PLXNA2: variants seen among roughly 807,000 people sequenced by gnomAD.
PLXNA2 encodes plexin-A2.
PLXNA2 carries 91 observed loss-of-function variants against 193.5 expected under a neutral mutation model. The ratio of observed to expected loss-of-function variants is 0.47; its 90% CI spans 0.40 to 0.56. The LOEUF (loss-of-function observed/expected upper bound fraction) is 0.56. Ranked by LOEUF, PLXNA2 falls within the 20% of genes least tolerant of loss-of-function variation. PLXNA2 has a pLI of 0.00. For synonymous variants in PLXNA2, 997 were observed against 1,027.3 expected (o/e 0.97, Z 0.56); for missense variants, 1,995 against 2,503.2 (o/e 0.80, Z 4.33).
At chr1:208,200,424 A>G (rs1670507133) in intron 3 of PLXNA2, among the ~76,000 whole-genome samples, 3 of 152,124 alleles carry the variant, frequency 2.0e-5, no homozygotes, top group Non-Finnish European at 4.4e-5. Flanking sequence ...TGACTTAGGT[A>G]TATGCTGGGC....
chr1:208,105,200 A>T (rs1031009589), intron 4 of PLXNA2, among the ~76,000 whole-genome samples: 2 of 152,108 alleles, frequency 1.3e-5, no homozygotes, highest in Admixed American at 1.3e-4. Context: ...TGAACCTGGG[A>T]TGTTTATTTA....
chr1:208,217,863 C>A lies in PLXNA2; in HGVS notation c.60G>T (p.Leu20=), dbSNP rs371657510. ...CCAGCAGCACCCAGACCACTGAGAG[C>A]AGGACCACAGAGCGGCTGTCCACCT... ...ALEVDSRSVV[L]LSVVWVLLAP... is the part of the protein sequence containing the mutation. The change falls in exon 2 of 32, where the codon CTG becomes CTT. Residue 20 remains leucine, a synonymous_variant. Coordinates refer to ENST00000367033, the MANE Select transcript of PLXNA2 (RefSeq NM_025179.4). This position sits in a 1 kb window ranked among gnomAD's most constrained non-coding sequence, Gnocchi z 4.7. The A allele has an allele frequency of 4.3e-5, 70 of 1,613,450 alleles. No homozygotes were observed. Among genetic ancestry groups the A allele is most frequent in the Non-Finnish European group, 5.5e-5 (65 of 1,180,028 alleles).
At chr1:208,065,356 T>C (rs1665756815) in intron 12 of PLXNA2, among the ~76,000 whole-genome samples, 1 of 152,200 alleles carries the variant, frequency 6.6e-6, no homozygotes, top group South Asian at 2.1e-4. Context: ...TGAATTTAAA[T>C]ACCAGCTCTG....
At chr1:208,173,798 A>C (rs967609023) in intron 3 of PLXNA2, among the ~76,000 whole-genome samples, 2 of 152,184 alleles carry the variant, frequency 1.3e-5, no homozygotes, top group Admixed American at 6.5e-5. Context: ...GGAGAACTAA[A>C]ATTAATCCTC....
intron 4 of PLXNA2, among the ~76,000 whole-genome samples, chr1:208,115,948 T>C (rs1667626307): frequency 6.6e-6 from 1 of 152,158 alleles, no homozygotes; most frequent in Non-Finnish European, 1.5e-5. Flanking sequence ...TCTCAGGAAG[T>C]TTATAGTCCA....
At chr1:208,214,953 C>G (rs1237863644) in intron 2 of PLXNA2, among the ~76,000 whole-genome samples, 6 of 152,104 alleles carry the variant, frequency 3.9e-5, no homozygotes, top group Admixed American at 2.6e-4. Flanking sequence ...AGCTCTCTCT[C>G]TCTTCCTCTC....
intron 4 of PLXNA2, among the ~76,000 whole-genome samples, chr1:208,125,467 A>G (rs1249924069): frequency 6.6e-6 from 1 of 152,210 alleles, no homozygotes; most frequent in Non-Finnish European, 1.5e-5. Context: ...ATCCTTGGCA[A>G]ACAAATAAGT....
chr1:208,092,195 T>C, intron 9 of PLXNA2, among the ~76,000 whole-genome samples: 1 of 152,256 alleles, frequency 6.6e-6, no homozygotes, highest in East Asian at 1.9e-4. Flanking sequence ...ACTGTGTTAA[T>C]AACAAAGGTG....
chr1:208,073,516 T>C (rs1048865073), intron 12 of PLXNA2, among the ~76,000 whole-genome samples: 2 of 152,322 alleles, frequency 1.3e-5, no homozygotes, highest in South Asian at 4.1e-4. Context: ...GTTCATGGCA[T>C]ACAGTAGTCA....
chr1:208,138,659 C>T lies in PLXNA2; in HGVS notation c.1506+3670G>A, dbSNP rs1015048006. Among the ~76,000 whole-genome samples, 6 of 152,150 alleles carry T rather than the reference C, an allele frequency of 3.9e-5. No individual in the cohort carries two copies. The South Asian group carries it at 6.2e-4, about 16-fold the overall frequency. On this transcript the variant is annotated intron_variant, in intron 4 of 31. Transcript: ENST00000367033. ...CAGGACTTTGGGAGGCCGAGGTGGA[C>T]GGATCCCTTGAGCCCAAGAGTTCGA... is the stretch of plus-strand genomic sequence containing the variant.
intron 3 of PLXNA2, among the ~76,000 whole-genome samples, chr1:208,195,892 CTT>C (rs749065596): frequency 6.6e-6 from 1 of 151,856 alleles, no homozygotes; most frequent in Non-Finnish European, 1.5e-5. Context: ...CCGTCTGAGA[CTT>C]ACATTACCCA....
chr1:208,237,638 T>C (rs1449241047), intron 1 of PLXNA2, among the ~76,000 whole-genome samples: 1 of 152,216 alleles, frequency 6.6e-6, no homozygotes, highest in Non-Finnish European at 1.5e-5. Context: ...ATAGTCATCC[T>C]TCTTCACAGG....
In PLXNA2 at chr1:208,147,457, G is replaced by A. The variant is rs1289649079; in HGVS notation, c.1372-4994C>T. ...CCCAGGATAACCCCTTTTTTTCATG[G>A]TTAAATGTGGCCCTGCCTGAAGGCA... On this transcript the variant is annotated intron_variant, in intron 3 of 31. Coordinates refer to ENST00000367033, the MANE Select transcript of PLXNA2 (RefSeq NM_025179.4). Among the ~76,000 whole-genome samples, 4 of 152,154 alleles carry A rather than the reference G, an allele frequency of 2.6e-5. No homozygotes were observed. In the South Asian group the frequency reaches 6.2e-4, roughly 24 times the overall value.
chr1:208,120,015 C>T (rs1405765646), intron 4 of PLXNA2, among the ~76,000 whole-genome samples: 1 of 152,180 alleles, frequency 6.6e-6, no homozygotes, highest in Admixed American at 6.5e-5. Flanking sequence ...AGGCGCCTGG[C>T]TGAGCTGGCT....
At chr1:208,159,275 G>A (rs1669031419) in intron 3 of PLXNA2, among the ~76,000 whole-genome samples, 2 of 152,222 alleles carry the variant, frequency 1.3e-5, no homozygotes, top group African/African-American at 2.4e-5. Context: ...GTATGCTGAA[G>A]GTAATGACAT....
At position 208,233,793 on chromosome 1, in the gene PLXNA2, C is replaced by T. The variant is rs1572061263; in HGVS notation, c.-81+9850G>A. On this transcript the variant is annotated intron_variant, in intron 1 of 31. Coordinates refer to ENST00000367033, the MANE Select transcript of PLXNA2 (RefSeq NM_025179.4). ...GAAACACAAACAGTGCCCACAGTGC[C>T]TCTCGGGGAGGGAGGGGCAGCTTGG... 3.9e-5 allele frequency among the ~76,000 whole-genome samples: 6 copies of T among 152,308 alleles called. No homozygotes were observed. In the Middle Eastern group the frequency reaches 0.01, roughly 259 times the overall value.
At chr1:208,168,514 C>T (rs980272958) in intron 3 of PLXNA2, among the ~76,000 whole-genome samples, 6 of 151,990 alleles carry the variant, frequency 3.9e-5, no homozygotes, top group Non-Finnish European at 7.4e-5. Flanking sequence ...TATAATAATG[C>T]CATGAGGGGG....
At chr1:208,043,323 G>A (rs377451465) in intron 20 of PLXNA2, 120 bp from the exon 21 acceptor site, 30 of 907,212 alleles carry the variant, frequency 3.3e-5, no homozygotes, top group African/African-American at 3.0e-4. Context: ...TGAGGATTAC[G>A]GGAGTGTGTC....
intron 29 of PLXNA2, chr1:208,030,440 C>G: frequency 1.0e-6 from 1 of 985,504 alleles, no homozygotes; most frequent in Non-Finnish European, 1.2e-6. Context: ...GCAAAGGGGA[C>G]AGGCATGTGC....
Sources: gnomAD v4.1 joint callset for allele counts (sites outside exome capture counted in the v4.1 genomes callset) on GRCh38, gnomAD v4.1.1 for gene constraint, Gnocchi (gnomAD v3.1) non-coding constraint, MANE v1.5 for transcripts, NCBI Gene and HGNC (gene_info 2026-07-23, HGNC 2026-07-21) for gene names.